The following VAV3 variants were observed in gnomAD, a reference collection of about 807,000 sequenced individuals.
VAV3 encodes the protein vav guanine nucleotide exchange factor 3.
In VAV3, 94 loss-of-function variants were observed where a neutral mutation model predicts 131.2. The ratio of observed to expected loss-of-function variants is 0.72; its 90% confidence interval spans 0.61 to 0.85. The LOEUF is 0.85. Among genes scored for constraint, VAV3 ranks in the 40% least tolerant of loss-of-function variants. The pLI, the probability that VAV3 is intolerant of heterozygous loss-of-function variation, is 0.00. For missense variants in VAV3, 939 were observed against 1,002.7 expected, an observed-to-expected ratio of 0.94 and a Z score of 0.86; for synonymous variants, 349 against 342.0, an observed-to-expected ratio of 1.02 and a Z score of -0.22.
At chr1:107,719,350 C>A (rs987475907) in intron 15 of VAV3, among the ~76,000 whole-genome samples, 3 of 151,660 alleles carry the variant, frequency 2.0e-5, no homozygotes, top group Non-Finnish European at 4.4e-5. Context: ...AGAACTTAAA[C>A]AAATTTACAA....
intron 2 of VAV3, among the ~76,000 whole-genome samples, chr1:107,853,498 TTC>T (rs1669323790): frequency 6.6e-6 from 1 of 152,146 alleles, no homozygotes; most frequent in Non-Finnish European, 1.5e-5. Context: ...GTTTTCCATT[TTC>T]ATAAATGAAA....
intron 2 of VAV3, among the ~76,000 whole-genome samples, chr1:107,783,928 C>T (rs896164688): frequency 2.0e-5 from 3 of 149,756 alleles, no homozygotes; most frequent in Non-Finnish European, 4.4e-5. Context: ...GGCATGGTGG[C>T]GGGCACCTGT....
At chr1:107,770,763 T>C (rs1570929210) in intron 5 of VAV3, 35 bp from the exon 6 acceptor site, 7 of 1,516,490 alleles carry the variant, frequency 4.6e-6, no homozygotes, top group Non-Finnish European at 5.4e-6. Flanking sequence ...AATGATTTAA[T>C]AAAATCATAT....
At chr1:107,629,678 A>C (rs915813304) in intron 20 of VAV3, among the ~76,000 whole-genome samples, 4 of 152,204 alleles carry the variant, frequency 2.6e-5, no homozygotes, top group Non-Finnish European at 4.4e-5. Context: ...TGAAATGCAA[A>C]GACTGAACAG....
intron 2 of VAV3, among the ~76,000 whole-genome samples, chr1:107,819,167 C>A (rs188056969): frequency 3.3e-5 from 5 of 152,234 alleles, no homozygotes; most frequent in African/African-American, 1.2e-4. Flanking sequence ...TCTTTAACAA[C>A]ATTCTATCTT....
At chr1:107,755,570 C>G (rs1354387411) in intron 11 of VAV3, 57 bp from the exon 12 acceptor site, 2 of 1,266,866 alleles carry the variant, frequency 1.6e-6, no homozygotes, top group African/African-American at 3.0e-5. Flanking sequence ...GAGATGCAAA[C>G]TGCTTTGAAA....
rs1336201545 is a variant in VAV3, at chr1:107,571,467, G to A, written c.*1864C>T. ...GAAGACTAAACACCATTTATAAGGA[G>A]AGGGTCTATTGACTAAAATAAACAA... On this transcript the variant is annotated 3_prime_UTR_variant, in exon 27 of 27. Coordinates refer to ENST00000370056, the MANE Select transcript of VAV3 (RefSeq NM_006113.5). 2 of 152,642 alleles carry A rather than the reference G, an allele frequency of 1.3e-5. No homozygotes were observed. Among genetic ancestry groups the A allele is most frequent in the African/African-American group, 4.8e-5 (2 of 41,436 alleles). 9.5% of individuals were successfully genotyped at this position (152,642 alleles called of 1,614,324 possible).
intron 15 of VAV3, among the ~76,000 whole-genome samples, chr1:107,744,348 C>T (rs553692172): frequency 2.6e-5 from 4 of 152,154 alleles, no homozygotes; most frequent in Non-Finnish European, 5.9e-5. Flanking sequence ...CTTAGATATT[C>T]ACAGTAGTGA....
chr1:107,956,896 C>T (rs72985462), intron 1 of VAV3, among the ~76,000 whole-genome samples: 2 of 151,510 alleles, frequency 1.3e-5, no homozygotes, highest in South Asian at 2.1e-4. Flanking sequence ...AATCGAGGGA[C>T]GTCAAGGAAT....
chr1:107,762,058 G>A (rs1187474559), intron 9 of VAV3, among the ~76,000 whole-genome samples: 3 of 149,196 alleles, frequency 2.0e-5, no homozygotes, highest in East Asian at 4.0e-4. Flanking sequence ...TTGGCGGTGT[G>A]ACCTTGGACA....
At chr1:107,768,097 G>A (rs1365912350) in intron 7 of VAV3, among the ~76,000 whole-genome samples, 1 of 152,170 alleles carries the variant, frequency 6.6e-6, no homozygotes, top group Non-Finnish European at 1.5e-5. Context: ...AGGTCTGAGG[G>A]TCTGGAAGAG....
chr1:107,664,700 G>A (rs754598332), intron 19 of VAV3, among the ~76,000 whole-genome samples: 8 of 151,898 alleles, frequency 5.3e-5, no homozygotes, highest in Non-Finnish European at 8.8e-5. Flanking sequence ...TGTGCACCCA[G>A]ACCATTAAAA....
At chr1:107,942,175 C>T (rs1414069485) in intron 1 of VAV3, among the ~76,000 whole-genome samples, 1 of 152,154 alleles carries the variant, frequency 6.6e-6, no homozygotes, top group African/African-American at 2.4e-5. Flanking sequence ...GCAAATGCAA[C>T]TTTTCTGTAA....
chr1:107,792,629 G>A (rs1666353828), intron 2 of VAV3, among the ~76,000 whole-genome samples: 1 of 152,186 alleles, frequency 6.6e-6, no homozygotes, highest in Non-Finnish European at 1.5e-5. Flanking sequence ...ACAAATTTAT[G>A]TAAAATAAAA....
intron 18 of VAV3, chr1:107,685,735 G>A (rs940141023): frequency 6.6e-6 from 1 of 151,978 alleles, no homozygotes; most frequent in Non-Finnish European, 1.5e-5. Context: ...ATTTTATATT[G>A]AAAAACCTGG....
chr1:107,589,240 T>C (rs1320467164), intron 25 of VAV3, among the ~76,000 whole-genome samples: 1 of 152,196 alleles, frequency 6.6e-6, no homozygotes, highest in Non-Finnish European at 1.5e-5. Flanking sequence ...AACCTGTGAA[T>C]GTGACTTTAT....
chr1:107,736,809 C>T (rs947018441), intron 15 of VAV3, among the ~76,000 whole-genome samples: 9 of 152,106 alleles, frequency 5.9e-5, no homozygotes, highest in African/African-American at 2.2e-4. Flanking sequence ...AATGCCATCC[C>T]CATCCAGCTA....
intron 19 of VAV3, chr1:107,677,970 T>C (rs890778753): frequency 4.5e-4 from 68 of 152,268 alleles, no homozygotes; most frequent in African/African-American, 1.6e-3. Context: ...CCAAGAAAGA[T>C]GCGAGCAAGA....
chr1:107,588,796 T>C (rs992571272), intron 25 of VAV3, among the ~76,000 whole-genome samples: 1 of 152,318 alleles, frequency 6.6e-6, no homozygotes, highest in Non-Finnish European at 1.5e-5. Flanking sequence ...TAAAAGGGGT[T>C]TGAAAAGTAA....
Sources: allele counts gnomAD v4.1 joint callset (sites outside exome capture counted in the v4.1 genomes callset), GRCh38; gene constraint gnomAD v4.1.1; transcripts MANE v1.5; gene names NCBI Gene and HGNC (gene_info 2026-07-23, HGNC 2026-07-21).